The following SV2C variants were observed in gnomAD, a reference collection of about 807,000 sequenced individuals.
SV2C encodes solute carrier family 22 member B3.
A neutral mutation model predicts 79.7 loss-of-function variants in SV2C; 49 were observed. The observed-to-expected ratio is 0.61, with a 90% CI of 0.49 to 0.78. The LOEUF (loss-of-function observed/expected upper bound fraction) is 0.78, where lower values mean the gene tolerates loss of function less well. Ranked by LOEUF, SV2C falls within the 30% of genes least tolerant of loss-of-function variation. The pLI, the probability that SV2C is intolerant of heterozygous loss-of-function variation, is 0.00. For missense variants in SV2C, 833 were observed against 912.9 expected (o/e 0.91, Z 1.13); for synonymous variants, 334 against 333.2 (o/e 1.00, Z -0.03).
chr5:75,926,046 G>C, the SV2C span, among the ~76,000 whole-genome samples: 1 of 152,154 alleles, frequency 6.6e-6, no homozygotes, highest in African/African-American at 2.4e-5. Context: ...AGGTTGAAAT[G>C]GCTTCTGTTA....
At chr5:76,081,063 C>T (rs747030648), upstream of SV2C, among the ~76,000 whole-genome samples, 16 of 152,136 alleles carry the variant, frequency 1.1e-4, no homozygotes, top group Non-Finnish European at 2.1e-4. Flanking sequence ...TGGGATGTTT[C>T]AGGCAAAATC....
intron 12 of SV2C, among the ~76,000 whole-genome samples, chr5:76,346,125 C>G (rs1749532087): frequency 6.6e-6 from 1 of 152,134 alleles, no homozygotes; most frequent in Non-Finnish European, 1.5e-5. Flanking sequence ...AGTGTGATGT[C>G]TCCAAATGTG....
intron 9 of SV2C, among the ~76,000 whole-genome samples, chr5:76,298,158 T>A (rs1353608788): frequency 6.6e-6 from 1 of 152,210 alleles, no homozygotes; most frequent in Non-Finnish European, 1.5e-5. Flanking sequence ...TTCTCATAAT[T>A]CCTTTTGGTT....
chr5:75,870,901 A>T, the SV2C span, among the ~76,000 whole-genome samples: 2 of 152,256 alleles, frequency 1.3e-5, no homozygotes, highest in Admixed American at 6.5e-5. Flanking sequence ...CCATTTATTT[A>T]AACAAGGTTA....
the SV2C span, among the ~76,000 whole-genome samples, chr5:75,847,988 T>A: frequency 1.3e-5 from 2 of 152,120 alleles, no homozygotes; most frequent in African/African-American, 2.4e-5. Context: ...AAATGGGAGA[T>A]GGTATTTATG....
chr5:76,258,796 C>T (rs185562905), intron 4 of SV2C, among the ~76,000 whole-genome samples: 104 of 152,296 alleles, frequency 6.8e-4, no homozygotes, highest in African/African-American at 2.3e-3. Context: ...ATAGAACATT[C>T]CCATCACCCG....
At chr5:76,315,188 GCACACACACACACA>G (rs10606819) in intron 12 of SV2C, among the ~76,000 whole-genome samples, 2 of 145,204 alleles carry the variant, frequency 1.4e-5, no homozygotes, top group South Asian at 2.2e-4. Context: ...ATGGCCAGGC[GCACACACACACACA>G]CACACACACA....
At chr5:76,216,267 C>T (rs531981549) in intron 4 of SV2C, among the ~76,000 whole-genome samples, 2 of 152,194 alleles carry the variant, frequency 1.3e-5, no homozygotes, top group African/African-American at 2.4e-5. Flanking sequence ...TCTGAAGGTT[C>T]CCAACATGAA....
chr5:76,104,197 T>C (rs1035063399), intron 1 of SV2C, among the ~76,000 whole-genome samples: 1 of 152,190 alleles, frequency 6.6e-6, no homozygotes, highest in Admixed American at 6.5e-5. Flanking sequence ...GTGACAGTTG[T>C]TAACTGTTCT....
downstream of SV2C, among the ~76,000 whole-genome samples, chr5:76,338,636 A>ATTTTCT (rs202010275): frequency 1.4e-5 from 2 of 143,128 alleles, no homozygotes; most frequent in Non-Finnish European, 1.5e-5. Context: ...CAACCATAGT[A>ATTTTCT]TTTTCTTTTT....
At chr5:76,185,993 C>T (rs1161753030) in intron 2 of SV2C, among the ~76,000 whole-genome samples, 1 of 152,166 alleles carries the variant, frequency 6.6e-6, no homozygotes, top group Non-Finnish European at 1.5e-5. Flanking sequence ...CCACCAGATA[C>T]CCTAAATCAT....
At chr5:76,343,138 G>A (rs936129480) in intron 12 of SV2C, among the ~76,000 whole-genome samples, 3 of 152,146 alleles carry the variant, frequency 2.0e-5, no homozygotes, top group African/African-American at 7.2e-5. Context: ...TTCAGGGTCA[G>A]GAAGACATTC....
At chr5:76,158,960 T>A (rs1742819885) in intron 2 of SV2C, among the ~76,000 whole-genome samples, 1 of 152,064 alleles carries the variant, frequency 6.6e-6, no homozygotes, top group Non-Finnish European at 1.5e-5. Flanking sequence ...GTGGGATTTA[T>A]CTCAGGAATG....
At chr5:76,301,577 C>A (rs1748002993) in intron 12 of SV2C, 32 bp downstream of exon 12, 2 of 1,594,426 alleles carry the variant, frequency 1.3e-6, no homozygotes, top group African/African-American at 2.7e-5. Context: ...GTAAGAGGCA[C>A]TCTAAGCCCT....
At chr5:76,243,674 A>G (rs1745863176) in intron 4 of SV2C, among the ~76,000 whole-genome samples, 1 of 152,088 alleles carries the variant, frequency 6.6e-6, no homozygotes, top group Non-Finnish European at 1.5e-5. Context: ...CGTGCCCCGC[A>G]GTCTATTCTC....
chr5:75,995,522 C>T, the SV2C span, among the ~76,000 whole-genome samples: 8 of 152,040 alleles, frequency 5.3e-5, no homozygotes, highest in African/African-American at 1.9e-4. Context: ...ATCATTAATA[C>T]AATAGTCAGT....
the SV2C span, among the ~76,000 whole-genome samples, chr5:75,897,627 A>G: frequency 1.5e-3 from 219 of 150,056 alleles, no homozygotes; most frequent in African/African-American, 5.2e-3. Flanking sequence ...AGCTTGATGG[A>G]GATGACATTG....
At position 76,325,837 on chromosome 5, in the gene SV2C, C is replaced by A. The variant is rs912334113; in HGVS notation, c.*290C>A. On this transcript the variant is annotated 3_prime_UTR_variant, in exon 13 of 13. Coordinates refer to ENST00000502798, the MANE Select transcript of SV2C (RefSeq NM_014979.4). Reference sequence around the variant, plus strand: ...TTCTAAAATGCCCTAGGCAGCCAGGCTTCCCTGGGGTTCTGCTCATTGAAA... The same window carrying A: ...TTCTAAAATGCCCTAGGCAGCCAGGATTCCCTGGGGTTCTGCTCATTGAAA... 121 of 306,554 alleles carry A rather than the reference C, an allele frequency of 3.9e-4. No homozygotes were observed. Among genetic ancestry groups the A allele is most frequent in the African/African-American group, 2.5e-3 (114 of 46,206 alleles). The allele number at this position is 306,554 out of a possible 1,614,324, so 19.0% of individuals were successfully genotyped here.
intron 4 of SV2C, among the ~76,000 whole-genome samples, chr5:76,245,936 A>ATGTGTGTGTGTGTGTGTGTGTG (rs60767964): frequency 1.5e-4 from 19 of 129,146 alleles, no homozygotes; most frequent in Middle Eastern, 4.1e-3. Context: ...GTGTGTGTGT[A>ATGTGTGTGTGTGTGTGTGTGTG]TGTGTGTGTG....
Sources: allele counts gnomAD v4.1 joint callset (sites outside exome capture counted in the v4.1 genomes callset), GRCh38; gene constraint gnomAD v4.1.1; transcripts MANE v1.5; gene names NCBI Gene and HGNC (gene_info 2026-07-23, HGNC 2026-07-21).